The following TMIGD3 variants were observed in gnomAD, a reference collection of about 807,000 sequenced individuals.
TMIGD3 encodes the protein transmembrane and immunoglobulin domain containing 3.
In TMIGD3, 21 loss-of-function variants were observed where a neutral mutation model predicts 28.1. That is an observed-to-expected ratio of 0.75 (90% confidence interval 0.53 to 1.08). The LOEUF (loss-of-function observed/expected upper bound fraction) is 1.08. Among genes scored for constraint, TMIGD3 ranks in the 50% least tolerant of loss-of-function variants. The pLI is 0.00. For missense variants in TMIGD3, 416 were observed against 435.6 expected, an observed-to-expected ratio of 0.96 and a Z score of 0.40; for synonymous variants, 151 against 162.1, an observed-to-expected ratio of 0.93 and a Z score of 0.52.
chr1:111,491,610 C>A (rs75171661), intron 1 of TMIGD3, among the ~76,000 whole-genome samples: 14,646 of 152,198 alleles, frequency 0.096, 819 homozygotes, highest in Middle Eastern at 0.18. Context: ...AGCATGTGGG[C>A]AAGCAGCAAG....
chr1:111,530,712 T>C (rs2101013777), intron 1 of TMIGD3, among the ~76,000 whole-genome samples: 1 of 152,334 alleles, frequency 6.6e-6, no homozygotes, highest in South Asian at 2.1e-4. Flanking sequence ...CTATATGTAA[T>C]GTAGGGGTTT....
intron 1 of TMIGD3, among the ~76,000 whole-genome samples, chr1:111,493,976 G>C (rs965743786): frequency 1.3e-5 from 2 of 150,430 alleles, no homozygotes; most frequent in African/African-American, 4.9e-5. Context: ...AGTTTCTCTA[G>C]AAAATGTGCA....
At chr1:111,500,782 A>C (rs1237268050) in intron 1 of TMIGD3, 2 of 563,338 alleles carry the variant, frequency 3.6e-6, no homozygotes, top group Non-Finnish European at 6.2e-6. Flanking sequence ...AAAATCCAGG[A>C]AACTTCTCTG....
chr1:111,485,145 C>T (rs150207476), intron 5 of TMIGD3, among the ~76,000 whole-genome samples: 1 of 152,190 alleles, frequency 6.6e-6, no homozygotes, highest in East Asian at 1.9e-4. Flanking sequence ...GAGCTGAGAT[C>T]GAGCAACTGC....
chr1:111,538,497 A>G (rs1054313039), intron 1 of TMIGD3, among the ~76,000 whole-genome samples: 1 of 151,790 alleles, frequency 6.6e-6, no homozygotes, highest in Non-Finnish European at 1.5e-5. Context: ...GAGTCAGCCT[A>G]CTCCCCACAT....
At chr1:111,535,595 C>T (rs1302099780) in intron 1 of TMIGD3, among the ~76,000 whole-genome samples, 1 of 152,218 alleles carries the variant, frequency 6.6e-6, no homozygotes, top group Non-Finnish European at 1.5e-5. Flanking sequence ...AGTGAGGATA[C>T]AGCGTTTAAT....
chr1:111,558,265 T>C (rs1471584886), intron 1 of TMIGD3, among the ~76,000 whole-genome samples: 1 of 152,076 alleles, frequency 6.6e-6, no homozygotes, highest in African/African-American at 2.4e-5. Context: ...GCAACCTCCA[T>C]GTCCCAGGCT....
chr1:111,545,286 A>T (rs1326461937), intron 1 of TMIGD3, among the ~76,000 whole-genome samples: 2 of 151,630 alleles, frequency 1.3e-5, no homozygotes, highest in East Asian at 3.9e-4. Context: ...GCCAACACTT[A>T]TTTTTCCTTT....
chr1:111,520,491 G>A (rs1486639991), intron 1 of TMIGD3, among the ~76,000 whole-genome samples: 1 of 152,234 alleles, frequency 6.6e-6, no homozygotes, highest in Non-Finnish European at 1.5e-5. Context: ...TTACTTTAAG[G>A]CTGTGTAATT....
intron 1 of TMIGD3, among the ~76,000 whole-genome samples, chr1:111,561,008 G>T (rs1657716014): frequency 6.6e-6 from 1 of 152,224 alleles, no homozygotes; most frequent in Admixed American, 6.5e-5. Context: ...TTACTAGGCT[G>T]AGTTTTGCTT....
At chr1:111,493,950 T>C (rs554813295) in intron 1 of TMIGD3, among the ~76,000 whole-genome samples, 230 of 152,352 alleles carry the variant, frequency 1.5e-3, no homozygotes, top group African/African-American at 5.0e-3. Context: ...TACTCAGCTA[T>C]AGTAGCTAAG....
intron 1 of TMIGD3, among the ~76,000 whole-genome samples, chr1:111,556,258 A>G (rs1485658298): frequency 6.6e-6 from 1 of 152,218 alleles, no homozygotes; most frequent in Non-Finnish European, 1.5e-5. Context: ...TACCAAAAAA[A>G]CACTCACACA....
At chr1:111,498,255 TA>T (rs755509057) in intron 1 of TMIGD3, among the ~76,000 whole-genome samples, 18 of 152,256 alleles carry the variant, frequency 1.2e-4, no homozygotes, top group African/African-American at 2.4e-5. Context: ...TGATGTTGTT[TA>T]ATTGAAATCT....
intron 1 of TMIGD3, chr1:111,542,371 TGA>T (rs1381283418): frequency 3.8e-6 from 1 of 260,914 alleles, no homozygotes; most frequent in East Asian, 9.5e-5. Flanking sequence ...CTGTGCCAGC[TGA>T]GAGGTGGTAG....
At chr1:111,513,795 G>A (rs1229590155) in intron 1 of TMIGD3, among the ~76,000 whole-genome samples, 2 of 152,010 alleles carry the variant, frequency 1.3e-5, no homozygotes, top group African/African-American at 2.4e-5. Context: ...CGGAGTTGGC[G>A]CCCTCTCCAT....
At chr1:111,502,130 T>C (rs1235510289) in intron 1 of TMIGD3, among the ~76,000 whole-genome samples, 3 of 90,320 alleles carry the variant, frequency 3.3e-5, no homozygotes, top group African/African-American at 4.3e-5. Context: ...ATATAGGATA[T>C]ATATTTAATA....
intron 1 of TMIGD3, among the ~76,000 whole-genome samples, chr1:111,518,315 G>A (rs1446672509): frequency 6.6e-6 from 1 of 152,172 alleles, no homozygotes; most frequent in African/African-American, 2.4e-5. Flanking sequence ...CAGACACTTT[G>A]CATACATTAT....
Position 111,503,346 on chromosome 1 carries a change from G to C in TMIGD3, c.9C>G (p.Asn3Lys). Residue 3 changes from asparagine (N) to lysine (K), a missense_variant, in exon 1 of 6, where the codon AAC (asparagine) becomes AAG (lysine). Transcript: ENST00000369716. Reference protein sequence around the residue: MPNNSTALSLANV... With the variant: MPKNSTALSLANV... ...TGGCCAATGACAGAGCAGTGCTGTT[G>C]TTGGGCATCTTGCCTTCCCAGGGGA... 1 of 1,609,072 alleles carries C rather than the reference G, an allele frequency of 6.2e-7. No homozygotes were observed. Among genetic ancestry groups the C allele is most frequent in the Non-Finnish European group, 8.5e-7 (1 of 1,176,290 alleles).
intron 1 of TMIGD3, among the ~76,000 whole-genome samples, chr1:111,496,630 C>G (rs1057503669): frequency 6.6e-6 from 1 of 152,180 alleles, no homozygotes; most frequent in Non-Finnish European, 1.5e-5. Context: ...CCTCTCTCAC[C>G]TCCTTTGGTG....
Sources: gnomAD v4.1 joint callset for allele counts (sites outside exome capture counted in the v4.1 genomes callset) on GRCh38, gnomAD v4.1.1 for gene constraint, MANE v1.5 for transcripts, NCBI Gene and HGNC (gene_info 2026-07-23, HGNC 2026-07-21) for gene names.